The following PCCA variants were observed in gnomAD, a reference collection of about 807,000 sequenced individuals.
PCCA encodes the protein propionyl-CoA carboxylase alpha chain, mitochondrial.
Under a neutral mutation model 101.3 loss-of-function variants are expected in PCCA, and 74 were observed. That is an observed-to-expected ratio of 0.73 (90% CI 0.61 to 0.89). The LOEUF is 0.89. Among genes scored for constraint, PCCA ranks in the 40% least tolerant of loss-of-function variants. The pLI is 0.00. For missense variants in PCCA, 891 were observed against 907.0 expected, an observed-to-expected ratio of 0.98 and a Z score of 0.23; for synonymous variants, 294 against 313.6, an observed-to-expected ratio of 0.94 and a Z score of 0.66.
chr13:100,179,689 A>G (rs909717226), intron 6 of PCCA, among the ~76,000 whole-genome samples: 1 of 149,828 alleles, frequency 6.7e-6, no homozygotes, highest in African/African-American at 2.5e-5. Context: ...AGACATCTAC[A>G]GAAGGGTCAT....
At chr13:100,476,917 C>T (rs938212832) in intron 21 of PCCA, among the ~76,000 whole-genome samples, 2 of 152,150 alleles carry the variant, frequency 1.3e-5, no homozygotes, top group African/African-American at 2.4e-5. Context: ...CTCTGAAGCT[C>T]GTCACTTTAT....
chr13:100,453,030 C>T (rs895575369), intron 21 of PCCA, among the ~76,000 whole-genome samples: 1 of 151,322 alleles, frequency 6.6e-6, no homozygotes, highest in Non-Finnish European at 1.5e-5. Context: ...AAAGGGAGAC[C>T]CCATCCTTAC....
At chr13:100,502,372 T>C (rs1406814299) in intron 21 of PCCA, among the ~76,000 whole-genome samples, 2 of 152,150 alleles carry the variant, frequency 1.3e-5, no homozygotes, top group Admixed American at 6.5e-5. Flanking sequence ...ACCCTGGCTG[T>C]GTGTACTGTA....
intron 7 of PCCA, among the ~76,000 whole-genome samples, chr13:100,220,333 A>G (rs2059749974): frequency 6.6e-6 from 1 of 151,584 alleles, no homozygotes; most frequent in Non-Finnish European, 1.5e-5. Flanking sequence ...AATCTTGGCT[A>G]ACTGCAACCT....
At chr13:100,309,280 C>T (rs1317937082) in intron 15 of PCCA, among the ~76,000 whole-genome samples, 2 of 152,146 alleles carry the variant, frequency 1.3e-5, no homozygotes, top group Non-Finnish European at 1.5e-5. Context: ...GCCTGAAATC[C>T]CAGCTTCTCG....
At chr13:100,468,964 C>T (rs1293845489) in intron 21 of PCCA, among the ~76,000 whole-genome samples, 1 of 151,994 alleles carries the variant, frequency 6.6e-6, no homozygotes, top group Non-Finnish European at 1.5e-5. Context: ...GTAATCTCAG[C>T]ACTTTGGGAG....
chr13:100,479,611 A>T (rs948318118), intron 21 of PCCA: 2 of 152,224 alleles, frequency 1.3e-5, no homozygotes, highest in Non-Finnish European at 2.9e-5. Flanking sequence ...CATCTTAAAG[A>T]TCTTGATCTT....
At chr13:100,201,613 T>C (rs1221012371) in intron 6 of PCCA, among the ~76,000 whole-genome samples, 1 of 151,964 alleles carries the variant, frequency 6.6e-6, no homozygotes. Flanking sequence ...AATCCCTGCA[T>C]TTTGAGAGGC....
At chr13:100,380,197 TA>T in intron 19 of PCCA, among the ~76,000 whole-genome samples, 5 of 152,196 alleles carry the variant, frequency 3.3e-5, no homozygotes, top group Admixed American at 3.3e-4. Context: ...CCCCCATCTC[TA>T]CAAAAAAGTT....
chr13:100,449,625 T>G (rs1163860021), intron 21 of PCCA, among the ~76,000 whole-genome samples: 1 of 152,198 alleles, frequency 6.6e-6, no homozygotes, highest in East Asian at 1.9e-4. Context: ...TAGCTGGGAT[T>G]ACAGGTGCCT....
chr13:100,106,694 C>A (rs1222064980), intron 2 of PCCA, among the ~76,000 whole-genome samples: 2 of 152,146 alleles, frequency 1.3e-5, no homozygotes, highest in African/African-American at 4.8e-5. Flanking sequence ...GCATTGTAGG[C>A]ATGAGCGACC....
At chr13:100,100,818 G>T (rs943529529) in intron 1 of PCCA, among the ~76,000 whole-genome samples, 1 of 149,308 alleles carries the variant, frequency 6.7e-6, no homozygotes, top group Non-Finnish European at 1.5e-5. Flanking sequence ...ACAGTGTTTC[G>T]CTCTTTTTGC....
chr13:100,303,920 C>T (rs2066262872), intron 14 of PCCA, among the ~76,000 whole-genome samples: 1 of 152,096 alleles, frequency 6.6e-6, no homozygotes, highest in Non-Finnish European at 1.5e-5. Context: ...TTAAATAGCA[C>T]ATGAGAAAAC....
At chr13:100,469,208 T>G (rs2082773093) in intron 21 of PCCA, among the ~76,000 whole-genome samples, 2 of 25,716 alleles carry the variant, frequency 7.8e-5, no homozygotes, top group Non-Finnish European at 6.9e-5. Flanking sequence ...TGAAACTCCG[T>G]CTCAAAAAAA....
chr13:100,228,760 C>T lies in PCCA; in HGVS notation c.601-7082C>T, dbSNP rs372842669. On this transcript the variant is annotated intron_variant, in intron 7 of 23. Transcript: ENST00000376285. ...AAAAATACAAAAAAAATTAGTCATA[C>T]GTGGTGGTGTGTGCCTATAATCCCA... Among the ~76,000 whole-genome samples, 59 of 151,710 alleles carry T rather than the reference C, an allele frequency of 3.9e-4. No homozygotes were observed. The South Asian group carries it at 0.011, about 30-fold the overall frequency.
intron 6 of PCCA, among the ~76,000 whole-genome samples, chr13:100,160,520 A>AC (rs903216691): frequency 6.6e-6 from 1 of 151,980 alleles, no homozygotes; most frequent in Non-Finnish European, 1.5e-5. Context: ...AAAAAAAAAA[A>AC]AGATCATGTC....
At chr13:100,121,163 T>G (rs1192124437) in intron 4 of PCCA, among the ~76,000 whole-genome samples, 16 of 107,462 alleles carry the variant, frequency 1.5e-4, no homozygotes, top group African/African-American at 6.7e-4. Flanking sequence ...GTTTTTTTTT[T>G]TTTTTTTTTT....
chr13:100,506,477 G>A (rs931802832), intron 21 of PCCA, among the ~76,000 whole-genome samples: 6 of 152,028 alleles, frequency 3.9e-5, no homozygotes, highest in Admixed American at 1.3e-4. Flanking sequence ...CTTTACTTTC[G>A]TTTACTCTGC....
chr13:100,405,004 G>A (rs1233122039), intron 19 of PCCA, among the ~76,000 whole-genome samples: 2 of 152,152 alleles, frequency 1.3e-5, no homozygotes, highest in Admixed American at 6.5e-5. Flanking sequence ...GAACACAAAT[G>A]TGTCTCGAGG....
Sources: gnomAD v4.1 joint callset for allele counts (sites outside exome capture counted in the v4.1 genomes callset) on GRCh38, gnomAD v4.1.1 for gene constraint, MANE v1.5 for transcripts, NCBI Gene and HGNC (gene_info 2026-07-23, HGNC 2026-07-21) for gene names.